MAJIN: variants seen among roughly 807,000 people sequenced by gnomAD.
MAJIN encodes membrane-anchored junction protein.
Under a neutral mutation model 30.2 loss-of-function variants are expected in MAJIN, and 27 were observed. The ratio of observed to expected loss-of-function variants is 0.89; its 90% CI spans 0.66 to 1.23. The LOEUF is 1.23. Among genes scored for constraint, MAJIN ranks in the 50% most tolerant of loss-of-function variants. MAJIN has a pLI of 0.00. For synonymous variants in MAJIN, 78 were observed against 91.6 expected (o/e 0.85, Z 0.85); for missense variants, 253 against 260.3 (o/e 0.97, Z 0.19).
In MAJIN at chr11:64,957,790, G is replaced by A. The variant is rs193158603; in HGVS notation, c.101+1515C>T. ...CGGCTTACTGCAACCTCCACCTCCC[G>A]GGTTCAAGCGATTCTCCTGCCTCAG... is the stretch of plus-strand genomic sequence containing the variant. On this transcript the variant is annotated intron_variant, in intron 3 of 10. Coordinates refer to ENST00000301896, the MANE Select transcript of MAJIN (RefSeq NM_001037225.3). Among the ~76,000 whole-genome samples the A allele has an allele frequency of 4.0e-3, 603 of 152,030 alleles. 2 individuals carry two copies. The highest frequency in any genetic ancestry group is 0.01 in the Middle Eastern group (3 of 294).
chr11:64,949,353 C>A (rs1212800181), intron 6 of MAJIN, among the ~76,000 whole-genome samples: 2 of 151,772 alleles, frequency 1.3e-5, no homozygotes, highest in Non-Finnish European at 2.9e-5. Flanking sequence ...TTGGGAGATA[C>A]CTTTAAGATA....
intron 4 of MAJIN, 142 bp from the exon 5 acceptor site, chr11:64,950,572 A>C: frequency 1.5e-6 from 1 of 685,556 alleles, no homozygotes; most frequent in Admixed American, 3.3e-5. Flanking sequence ...CTGATTCTCC[A>C]TTTCTTTTTC....
chr11:64,959,425 A>C lies in MAJIN; in HGVS notation c.-17-3T>G. On this transcript the variant is annotated splice_polypyrimidine_tract_variant and splice_region_variant and intron_variant, in intron 2 of 10. Coordinates refer to ENST00000301896, the MANE Select transcript of MAJIN (RefSeq NM_001037225.3). The stretch of plus-strand genomic sequence containing the variant: ...ACTCATTGCTCCCAAACGATAGCCT[A>C]AATAAAATAGAAAGAGAATTACTAA... The C allele has an allele frequency of 6.3e-7, 1 of 1,592,702 alleles. No homozygotes were observed. The highest frequency in any genetic ancestry group is 8.6e-7 in the Non-Finnish European group (1 of 1,161,804).
At chr11:64,968,328 C>A (rs1026787073) in intron 1 of MAJIN, among the ~76,000 whole-genome samples, 1 of 151,920 alleles carries the variant, frequency 6.6e-6, no homozygotes, top group Non-Finnish European at 1.5e-5. Flanking sequence ...TGGAGTATAG[C>A]GACACAATCA....
At chr11:64,962,442 G>A (rs1390355902) in intron 1 of MAJIN, among the ~76,000 whole-genome samples, 1 of 113,278 alleles carries the variant, frequency 8.8e-6, no homozygotes, top group Non-Finnish European at 2.4e-5. Context: ...GTGATATTAC[G>A]TCCCAGTAAC....
chr11:64,951,465 C>G (rs568549661), intron 4 of MAJIN, among the ~76,000 whole-genome samples: 5 of 152,172 alleles, frequency 3.3e-5, no homozygotes, highest in African/African-American at 1.2e-4. Context: ...TGTTTGTGTT[C>G]AAAGAAGATA....
At chr11:64,954,933 AC>A (rs1945608912) in intron 3 of MAJIN, 131 bp from the exon 4 acceptor site, 1 of 795,106 alleles carries the variant, frequency 1.3e-6, no homozygotes, top group African/African-American at 1.7e-5. Flanking sequence ...GTGTAAGCTG[AC>A]CCAGTGCTCA....
intron 6 of MAJIN, 45 bp downstream of exon 6, chr11:64,949,698 A>C: frequency 6.2e-7 from 1 of 1,604,468 alleles, no homozygotes; most frequent in Non-Finnish European, 8.5e-7. Flanking sequence ...GGCACAGCTA[A>C]ACCATTTTCT....
chr11:64,947,841 T>A, intron 6 of MAJIN, 22 bp from the exon 7 acceptor site: 1 of 1,582,792 alleles, frequency 6.3e-7, no homozygotes. Context: ...AATTTGAGTG[T>A]CATAATAGAT....
intron 6 of MAJIN, 108 bp downstream of exon 6, chr11:64,949,635 G>A (rs1284014187): frequency 8.5e-5 from 120 of 1,420,012 alleles, no homozygotes; most frequent in South Asian, 3.8e-5. Context: ...ATCCTGACCT[G>A]TGCACTGTAT....
intron 3 of MAJIN, among the ~76,000 whole-genome samples, chr11:64,956,697 T>G (rs1945637980): frequency 6.7e-6 from 1 of 149,432 alleles, no homozygotes; most frequent in Non-Finnish European, 1.5e-5. Flanking sequence ...TCAAAGAATA[T>G]CCACAATGAT....
At chr11:64,951,764 C>T (rs1220737221) in intron 4 of MAJIN, among the ~76,000 whole-genome samples, 2 of 95,890 alleles carry the variant, frequency 2.1e-5, no homozygotes, top group African/African-American at 3.9e-5. Flanking sequence ...AACCTTGTCT[C>T]AAAAAAAAAA....
At chr11:64,966,189 A>T (rs1945807133) in intron 1 of MAJIN, among the ~76,000 whole-genome samples, 1 of 142,022 alleles carries the variant, frequency 7.0e-6, no homozygotes, top group Non-Finnish European at 1.5e-5. Flanking sequence ...TAGTTTCAGA[A>T]GGGCAAATGA....
intron 1 of MAJIN, among the ~76,000 whole-genome samples, chr11:64,960,672 G>A (rs1347294964): frequency 6.6e-6 from 1 of 152,098 alleles, no homozygotes; most frequent in African/African-American, 2.4e-5. Context: ...TACACATAAA[G>A]GACTATTTTC....
At position 64,939,715 on chromosome 11, in the gene MAJIN, G is replaced by A. The variant is rs144907614; in HGVS notation, c.599C>T (p.Thr200Ile). Residue 200 changes from threonine to isoleucine, a missense_variant, in exon 10 of 11, where the codon ACA becomes ATA. Physicochemically the swap from Thr to Ile is moderately conservative, Grantham distance 89 (BLOSUM62 -1). Coordinates refer to ENST00000301896, the MANE Select transcript of MAJIN (RefSeq NM_001037225.3). ...CQGELSHPCS[T>I]THLHLRSEQP... ...CTCGCTCCTTAGGTGGAGGTGAGTT[G>A]TGCTGCAGGGGTGGGACAATTCGCC... is the stretch of plus-strand genomic sequence containing the variant. 104 of 1,614,040 alleles carry A rather than the reference G, an allele frequency of 6.4e-5. No homozygotes were observed. Among genetic ancestry groups the A allele is most frequent in the Non-Finnish European group, 8.6e-5 (102 of 1,180,004 alleles).
At chr11:64,948,063 G>A (rs111554600) in intron 6 of MAJIN, among the ~76,000 whole-genome samples, 4 of 151,950 alleles carry the variant, frequency 2.6e-5, no homozygotes, top group African/African-American at 7.2e-5. Flanking sequence ...GTTTCACCAC[G>A]TTGGCCAGGT....
At chr11:64,966,460 A>C (rs954496352) in intron 1 of MAJIN, among the ~76,000 whole-genome samples, 1 of 152,026 alleles carries the variant, frequency 6.6e-6, no homozygotes, top group Non-Finnish European at 1.5e-5. Context: ...GCTTGAACCC[A>C]GGAGGCGGAG....
At chr11:64,967,658 G>A (rs944160502) in intron 1 of MAJIN, among the ~76,000 whole-genome samples, 2 of 152,078 alleles carry the variant, frequency 1.3e-5, no homozygotes, top group Admixed American at 6.6e-5. Context: ...ACAGTAACCC[G>A]AACACAGTGG....
At chr11:64,968,495 C>T (rs1450377289) in intron 1 of MAJIN, among the ~76,000 whole-genome samples, 1 of 151,626 alleles carries the variant, frequency 6.6e-6, no homozygotes, top group Non-Finnish European at 1.5e-5. Flanking sequence ...CTCCGGAGCT[C>T]AAGTGATCTG....
Sources: gnomAD v4.1 joint callset for allele counts (sites outside exome capture counted in the v4.1 genomes callset) on GRCh38, gnomAD v4.1.1 for gene constraint, MANE v1.5 for transcripts, NCBI Gene and HGNC (gene_info 2026-07-23, HGNC 2026-07-21) for gene names.